EMB: variants seen among roughly 807,000 people sequenced by gnomAD.
The protein encoded by EMB is embigin homolog.
EMB carries 31 observed loss-of-function variants against 41.4 expected under a neutral mutation model. The ratio of observed to expected loss-of-function variants is 0.75; its 90% CI spans 0.56 to 1.01. The LOEUF (loss-of-function observed/expected upper bound fraction) is 1.01. EMB is among the 50% of genes least tolerant of loss of function. EMB has a pLI of 0.00. For missense variants in EMB, 379 were observed against 388.3 expected (o/e 0.98, Z 0.20); for synonymous variants, 137 against 140.4 (o/e 0.98, Z 0.17).
chr5:50,434,576 T>C (rs1426295104), intron 1 of EMB, among the ~76,000 whole-genome samples: 1 of 152,160 alleles, frequency 6.6e-6, no homozygotes, highest in Non-Finnish European at 1.5e-5. Context: ...CAAAAGCACT[T>C]TGGGCTTCAA....
At chr5:50,415,495 A>G (rs1269053754) in intron 2 of EMB, among the ~76,000 whole-genome samples, 1 of 152,180 alleles carries the variant, frequency 6.6e-6, no homozygotes, top group African/African-American at 2.4e-5. Context: ...ATGCCCACTT[A>G]CTTCTTCTCA....
At chr5:50,436,184 T>A (rs540612161) in intron 1 of EMB, among the ~76,000 whole-genome samples, 2 of 152,320 alleles carry the variant, frequency 1.3e-5, no homozygotes, top group Admixed American at 1.3e-4. Context: ...CACTTATGTA[T>A]ATGATATGCA....
upstream of EMB, among the ~76,000 whole-genome samples, chr5:50,442,279 TCCAGG>T (rs1466118264): frequency 8.5e-5 from 13 of 152,184 alleles, no homozygotes; most frequent in African/African-American, 3.1e-4. Context: ...CTGTGTTTAT[TCCAGG>T]CAGGAATGGT....
At chr5:50,403,946 G>A (rs1745208485) in intron 5 of EMB, among the ~76,000 whole-genome samples, 1 of 151,890 alleles carries the variant, frequency 6.6e-6, no homozygotes, top group Non-Finnish European at 1.5e-5. Context: ...GAAACTCTCA[G>A]GCTTTTGGAG....
At position 50,405,080 on chromosome 5, in the gene EMB, C is replaced by G. The variant is rs549140235; in HGVS notation, c.600+645G>C. On this transcript the variant is annotated intron_variant, in intron 5 of 8. Transcript: ENST00000303221. ...TCCTAAATTTTCCTGCCATTAGAGG[C>G]TATTTGGGGAGAAGAAAGGAAACCA... Among the ~76,000 whole-genome samples, 9 of 151,934 alleles carry G rather than the reference C, an allele frequency of 5.9e-5. 1 individual carries two copies. In the South Asian group the frequency reaches 1.9e-3, roughly 32 times the overall value.
chr5:50,438,504 T>C (rs577666337), intron 1 of EMB, among the ~76,000 whole-genome samples: 4 of 152,308 alleles, frequency 2.6e-5, no homozygotes, highest in African/African-American at 7.2e-5. Context: ...ACTAAAAAAA[T>C]GCTAACTCAT....
chr5:50,405,656 A>G, intron 5 of EMB, 69 bp downstream of exon 5: 1 of 1,525,098 alleles, frequency 6.6e-7, no homozygotes, highest in Admixed American at 2.2e-5. Context: ...AGTCTGTTAC[A>G]ATCTTGTTAT....
rs562203724 is a variant in EMB at position 50,404,320 on chromosome 5, A to T, written c.601-866T>A. Among the ~76,000 whole-genome samples, 306 of 152,046 alleles carry T rather than the reference A, an allele frequency of 2.0e-3. 2 individuals are homozygous for T. The highest frequency in any genetic ancestry group is 7.1e-3 in the African/African-American group (295 of 41,520). On this transcript the variant is annotated intron_variant, in intron 5 of 8. Transcript: ENST00000303221. ...ACAGCAACCTGGCACCATGTGCACA[A>T]CACTGCCTGGAATGTTTGGTACAGA... is the stretch of plus-strand genomic sequence containing the variant.
At chr5:50,434,594 G>T (rs62365902) in intron 1 of EMB, among the ~76,000 whole-genome samples, 1 of 151,974 alleles carries the variant, frequency 6.6e-6, no homozygotes, top group African/African-American at 2.4e-5. Flanking sequence ...CAAGATCAAT[G>T]AAACAAGGTA....
At chr5:50,426,244 AT>A (rs1263025715) in intron 2 of EMB, among the ~76,000 whole-genome samples, 3 of 152,226 alleles carry the variant, frequency 2.0e-5, no homozygotes, top group Admixed American at 1.3e-4. Context: ...AGGAACTGTG[AT>A]CCTGGTCAGT....
At chr5:50,431,278 A>G (rs1234277213) in intron 1 of EMB, among the ~76,000 whole-genome samples, 2 of 152,218 alleles carry the variant, frequency 1.3e-5, no homozygotes, top group Non-Finnish European at 2.9e-5. Context: ...TACAGAAGGT[A>G]TTAGGACAGT....
Position 50,441,043 on chromosome 5 carries a change from G to T in EMB, c.109C>A (p.Pro37Thr). ...CTGGACCCTGTACCCATCACACCTG[G>T]GGCACTGCCGTCCGCCGAGCTTGGG... ...ARPSSADGSA[P>T]DSPFTSPPLR... The change falls in exon 1 of 9, where the codon CCA becomes ACA. Residue 37 changes from proline (P) to threonine (T), a missense_variant. By Grantham distance (38) the Pro-to-Thr change is conservative. Coordinates refer to ENST00000303221, the MANE Select transcript of EMB (RefSeq NM_198449.3). 2.0e-6 allele frequency: 3 copies of T among 1,505,664 alleles called. No homozygotes were observed. The highest frequency in any genetic ancestry group is 1.8e-6 in the Non-Finnish European group (2 of 1,127,080). 93.3% of individuals were successfully genotyped at this position (1,505,664 alleles called of 1,614,324 possible). A position where few individuals can be genotyped will look rare whatever the true frequency, so the allele number is the denominator to read the frequency against.
In EMB at chr5:50,405,615, A is replaced by T. The variant is rs1384477266; in HGVS notation, c.600+110T>A. 6 of 1,404,236 alleles carry T rather than the reference A, an allele frequency of 4.3e-6. No homozygotes were observed. In the African/African-American group the frequency reaches 4.4e-5, roughly 10 times the overall value. The allele number at this position is 1,404,236 out of a possible 1,614,324, so 87.0% of individuals were successfully genotyped here. ...ATGAACATAAGCTAAACAACAAGAT[A>T]ACAAAAGTATAAATCATCTTAGGAA... On this transcript the variant is annotated intron_variant, in intron 5 of 8. Transcript: ENST00000303221.
chr5:50,409,874 C>A (rs1187595634), intron 4 of EMB, among the ~76,000 whole-genome samples: 2 of 151,782 alleles, frequency 1.3e-5, no homozygotes, highest in Admixed American at 6.6e-5. Flanking sequence ...TTGGAGAGAC[C>A]AAGATATATA....
chr5:50,427,160 C>A (rs1348283045), intron 2 of EMB, among the ~76,000 whole-genome samples: 1 of 152,166 alleles, frequency 6.6e-6, no homozygotes, highest in Non-Finnish European at 1.5e-5. Context: ...AACCTCTAAA[C>A]TTCTCTTTGG....
Position 50,428,234 on chromosome 5 carries a change from G to C in EMB, c.113-7C>G. ...GGACTTGTAAAAGGCGAATCTATAAGAGAAAGAACACATGATTACACACTC... is the reference window on the plus strand; with the variant it reads ...GGACTTGTAAAAGGCGAATCTATAACAGAAAGAACACATGATTACACACTC... On this transcript the variant is annotated splice_region_variant and splice_polypyrimidine_tract_variant and intron_variant, in intron 1 of 8. Transcript: ENST00000303221. 1 of 1,591,718 alleles carries C rather than the reference G, an allele frequency of 6.3e-7. No individual in the cohort carries two copies. The highest frequency in any genetic ancestry group is 8.6e-7 in the Non-Finnish European group (1 of 1,160,806).
At chr5:50,405,580 CTCTT>C (rs756992760) in intron 5 of EMB, 141 bp downstream of exon 5, 11 of 1,203,210 alleles carry the variant, frequency 9.1e-6, no homozygotes, top group African/African-American at 1.6e-5. Flanking sequence ...TTTGTCACTG[CTCTT>C]TCTTTATGAA....
At chr5:50,440,300 G>A (rs1437459503) in intron 1 of EMB, among the ~76,000 whole-genome samples, 3 of 152,064 alleles carry the variant, frequency 2.0e-5, no homozygotes, top group African/African-American at 4.8e-5. Flanking sequence ...TTGGGAGGCC[G>A]AAGCGGGCGG....
chr5:50,423,425 T>C (rs2111832788), intron 2 of EMB, among the ~76,000 whole-genome samples: 1 of 152,340 alleles, frequency 6.6e-6, no homozygotes, highest in African/African-American at 2.4e-5. Context: ...TTTTTGAACC[T>C]GCTTTGTCTT....
Sources: gnomAD v4.1 joint callset for allele counts (sites outside exome capture counted in the v4.1 genomes callset) on GRCh38, gnomAD v4.1.1 for gene constraint, MANE v1.5 for transcripts, NCBI Gene and HGNC (gene_info 2026-07-23, HGNC 2026-07-21) for gene names.